Variants in CRHR1 observed in about 807,000 individuals in gnomAD.
CRHR1 encodes corticotropin-releasing hormone receptor 1.
A neutral mutation model predicts 56.0 loss-of-function variants in CRHR1; 28 were observed. The observed-to-expected ratio is 0.50, with a 90% confidence interval of 0.37 to 0.69. The LOEUF is 0.69. CRHR1 is among the 30% of genes least tolerant of loss of function. The pLI, the probability that CRHR1 is intolerant of heterozygous loss-of-function variation, is 0.00. For missense variants in CRHR1, 376 were observed against 548.0 expected, an observed-to-expected ratio of 0.69 and a Z score of 3.13; for synonymous variants, 195 against 216.5, an observed-to-expected ratio of 0.90 and a Z score of 0.87.
At chr17:45,824,298 T>C (rs957252964) in intron 4 of CRHR1, among the ~76,000 whole-genome samples, 2 of 152,178 alleles carry the variant, frequency 1.3e-5, no homozygotes, top group East Asian at 1.9e-4. Flanking sequence ...CCACACGCCA[T>C]TGCAGAGAGG....
At chr17:45,791,829 CTCTT>C (rs1057359210) in intron 1 of CRHR1, among the ~76,000 whole-genome samples, 2 of 106,122 alleles carry the variant, frequency 1.9e-5, no homozygotes, top group African/African-American at 6.5e-5. Context: ...TTCTCTCTCT[CTCTT>C]TCTCTCTCTC....
At chr17:45,806,379 A>C (rs538419399) in intron 1 of CRHR1, among the ~76,000 whole-genome samples, 1 of 152,210 alleles carries the variant, frequency 6.6e-6, no homozygotes. Flanking sequence ...CAGTTTCCTC[A>C]TCTGCAAATA....
intron 1 of CRHR1, among the ~76,000 whole-genome samples, chr17:45,797,909 G>A (rs1347811325): frequency 2.0e-5 from 3 of 152,268 alleles, no homozygotes; most frequent in Admixed American, 6.5e-5. Flanking sequence ...CTACCATCAC[G>A]GAGCAAGTTC....
At chr17:45,806,320 T>G (rs1295227652) in intron 1 of CRHR1, among the ~76,000 whole-genome samples, 2 of 152,170 alleles carry the variant, frequency 1.3e-5, no homozygotes, top group Non-Finnish European at 2.9e-5. Context: ...TGCCCTAGAA[T>G]AGGGTGTCCA....
Position 45,813,050 on chromosome 17 carries a change from G to A in CRHR1, c.122-3413G>A, listed in dbSNP as rs760002390. ...CGGTGTCCGCAGGACGCAGGATGGC[G>A]ATCTGAAATCCTTGTGGGGATTTCA... On this transcript the variant is annotated intron_variant, in intron 2 of 12. Transcript: ENST00000314537. Among the ~76,000 whole-genome samples the A allele has an allele frequency of 1.1e-4, 16 of 152,300 alleles. No homozygotes were observed. In the East Asian group the frequency reaches 1.4e-3, roughly 13 times the overall value.
At chr17:45,820,600 G>A (rs573806273) in intron 3 of CRHR1, among the ~76,000 whole-genome samples, 1 of 152,294 alleles carries the variant, frequency 6.6e-6, no homozygotes, top group South Asian at 2.1e-4. Flanking sequence ...CTCCTTGAGT[G>A]ACATGGGCCA....
chr17:45,796,694 G>A (rs1194884717), intron 1 of CRHR1, among the ~76,000 whole-genome samples: 1 of 152,158 alleles, frequency 6.6e-6, no homozygotes, highest in African/African-American at 2.4e-5. Flanking sequence ...CAGGGGTCGA[G>A]AAGGATTAAA....
chr17:45,811,338 G>T (rs574295393), intron 2 of CRHR1, among the ~76,000 whole-genome samples: 1 of 152,292 alleles, frequency 6.6e-6, no homozygotes, highest in Non-Finnish European at 1.5e-5. Flanking sequence ...TGGCAGGTGG[G>T]AGCCCTCCAC....
chr17:45,815,217 G>A (rs114704640), intron 2 of CRHR1, among the ~76,000 whole-genome samples: 1 of 152,232 alleles, frequency 6.6e-6, no homozygotes, highest in African/African-American at 2.4e-5. Flanking sequence ...CCAATTCTAG[G>A]TTATTAACCT....
rs368286646 is a variant in CRHR1 at position 45,823,400 on chromosome 17, TC to T, written c.327+1963del. On this transcript the variant is annotated intron_variant, in intron 4 of 12. Coordinates refer to ENST00000314537, the MANE Select transcript of CRHR1 (RefSeq NM_004382.5). Reference sequence around the variant, plus strand: ...ACAAGGTCACGTGGCTCTGGGACATTCCCTTTTTTTTTTTTTTTTTTTTTTT... The same window carrying T: ...ACAAGGTCACGTGGCTCTGGGACATTCCTTTTTTTTTTTTTTTTTTTTTTT... Among the ~76,000 whole-genome samples, 1,312 of 141,268 alleles carry T rather than the reference TC, an allele frequency of 9.3e-3. 44 individuals carry two copies. Among genetic ancestry groups the T allele is most frequent in the Middle Eastern group, 0.02 (5 of 254 alleles). The allele number at this position is 141,268 out of a possible 152,430, so 92.7% of individuals were successfully genotyped here. A position where few individuals can be genotyped will look rare whatever the true frequency, so the allele number is the denominator to read the frequency against.
chr17:45,834,145 T>A, intron 12 of CRHR1, 97 bp downstream of exon 12: 1 of 1,466,674 alleles, frequency 6.8e-7, no homozygotes, highest in Non-Finnish European at 9.5e-7. Context: ...CAGGGCTGCC[T>A]CTCTCCCTCC....
At chr17:45,830,600 G>T in intron 7 of CRHR1, 30 bp downstream of exon 7, 1 of 1,577,782 alleles carries the variant, frequency 6.3e-7, no homozygotes. Flanking sequence ...CCGCAGCCTG[G>T]GCAGTGGCGG....
chr17:45,822,208 T>G (rs916165859), intron 4 of CRHR1, among the ~76,000 whole-genome samples: 2 of 152,274 alleles, frequency 1.3e-5, no homozygotes, highest in African/African-American at 4.8e-5. Context: ...ATCTTCATTC[T>G]TTTTGCATTT....
chr17:45,797,529 C>T (rs2061544377), intron 1 of CRHR1, among the ~76,000 whole-genome samples: 2 of 152,178 alleles, frequency 1.3e-5, no homozygotes, highest in Middle Eastern at 3.4e-3. Flanking sequence ...CCGCCCACCT[C>T]GGCCTCCCAA....
intron 3 of CRHR1, among the ~76,000 whole-genome samples, chr17:45,817,999 G>A (rs1332658478): frequency 6.6e-6 from 1 of 152,168 alleles, no homozygotes; most frequent in Non-Finnish European, 1.5e-5. Flanking sequence ...GCCCAGGGAC[G>A]ATAACTCTCA....
chr17:45,788,664 G>T (rs1475430783), intron 1 of CRHR1, among the ~76,000 whole-genome samples: 1 of 152,210 alleles, frequency 6.6e-6, no homozygotes, highest in Non-Finnish European at 1.5e-5. Flanking sequence ...AAAGCTGCAA[G>T]GTGGCTACTC....
At chr17:45,834,188 G>A (rs1190243844) in intron 12 of CRHR1, 140 bp downstream of exon 12, 1 of 1,087,814 alleles carries the variant, frequency 9.2e-7, no homozygotes, top group East Asian at 2.4e-5. Flanking sequence ...ATGCTGCTGG[G>A]AGCCCCAGGG....
intron 1 of CRHR1, among the ~76,000 whole-genome samples, chr17:45,791,833 T>TTCTC (rs71363555): frequency 0.11 from 13,771 of 126,900 alleles, 915 homozygotes; most frequent in Non-Finnish European, 0.15. Flanking sequence ...CTCTCTCTCT[T>TTCTC]TCTCTCTCTC....
chr17:45,809,989 T>C (rs907106957), intron 2 of CRHR1, among the ~76,000 whole-genome samples: 2 of 152,184 alleles, frequency 1.3e-5, no homozygotes, highest in East Asian at 1.9e-4. Context: ...TGATAATTAA[T>C]AATAGCTAGG....
Sources: gnomAD v4.1 joint callset for allele counts (sites outside exome capture counted in the v4.1 genomes callset) on GRCh38, gnomAD v4.1.1 for gene constraint, MANE v1.5 for transcripts, NCBI Gene and HGNC (gene_info 2026-07-23, HGNC 2026-07-21) for gene names.